TRPM5: variants seen among roughly 807,000 people sequenced by gnomAD.
The protein encoded by TRPM5 is MLSN1 and TRP-related.
Under a neutral mutation model 124.9 loss-of-function variants are expected in TRPM5, and 121 were observed. The ratio of observed to expected loss-of-function variants is 0.97; its 90% confidence interval spans 0.84 to 1.13. The LOEUF (loss-of-function observed/expected upper bound fraction) is 1.13, where lower values mean the gene tolerates loss of function less well. Ranked by LOEUF, TRPM5 falls within the 50% of genes most tolerant of loss-of-function variation. The probability of loss-of-function intolerance (pLI) is 0.00; values close to 1 mark genes in which losing one functional copy is unlikely to be tolerated. For synonymous variants in TRPM5, 781 were observed against 700.5 expected (o/e 1.11, Z -1.81); for missense variants, 1,643 against 1,589.1 (o/e 1.03, Z -0.58).
At chr11:2,422,100 C>G (rs534148263) in intron 2 of TRPM5, 41 bp downstream of exon 7, 2 of 1,537,980 alleles carry the variant, frequency 1.3e-6, no homozygotes, top group African/African-American at 1.4e-5. Flanking sequence ...TCGGGCTGCC[C>G]TGTGGGGTGG....
At chr11:2,409,187 G>A (rs767499093) in intron 18 of TRPM5, among the ~76,000 whole-genome samples, 28 of 152,050 alleles carry the variant, frequency 1.8e-4, no homozygotes, top group Non-Finnish European at 3.5e-4. Flanking sequence ...GTCAGTGAGC[G>A]CCAGCCCTCC....
intron 8 of TRPM5, among the ~76,000 whole-genome samples, chr11:2,415,703 A>T (rs1382896867): frequency 2.0e-5 from 3 of 152,152 alleles, no homozygotes; most frequent in African/African-American, 4.8e-5. Context: ...GGCTTTGGGG[A>T]CAGCCGGCAC....
chr11:2,410,409 G>A (rs1260011428), intron 18 of TRPM5, among the ~76,000 whole-genome samples: 1 of 128,662 alleles, frequency 7.8e-6, no homozygotes. Flanking sequence ...GGCAGCCCCA[G>A]CCGCCTGACA....
chr11:2,425,907 C>T (rs1845836728), upstream of TRPM5, among the ~76,000 whole-genome samples: 1 of 152,182 alleles, frequency 6.6e-6, no homozygotes, highest in African/African-American at 2.4e-5. Flanking sequence ...CTCTTCCCTT[C>T]GTCCCTGGTG....
chr11:2,418,401 G>A lies in TRPM5; in HGVS notation c.715-43C>T, dbSNP rs751791120. The A allele has an allele frequency of 1.9e-5, 29 of 1,529,848 alleles. No individual in the cohort carries two copies. In the East Asian group the frequency reaches 5.2e-4, roughly 27 times the overall value. The allele number at this position is 1,529,848 out of a possible 1,614,324, so 94.8% of individuals were successfully genotyped here. A position where few individuals can be genotyped will look rare whatever the true frequency, so the allele number is the denominator to read the frequency against. On this transcript the variant is annotated intron_variant, in intron 5 of 23. Transcript: ENST00000155858. The stretch of plus-strand genomic sequence containing the variant: ...GGGAGAGCGGACCCCAGATTAGCCC[G>A]ACGACATCTGGATGCAGGTGTCAGG...
At chr11:2,422,052 A>T in intron 2 of TRPM5, 89 bp downstream of exon 7, 2 of 1,391,504 alleles carry the variant, frequency 1.4e-6, no homozygotes, top group Non-Finnish European at 1.9e-6. Flanking sequence ...GTGGGGTGGG[A>T]GCACTGCCTG....
At chr11:2,427,092 C>A (rs1845846607), upstream of TRPM5, among the ~76,000 whole-genome samples, 1 of 152,194 alleles carries the variant, frequency 6.6e-6, no homozygotes, top group South Asian at 2.1e-4. Flanking sequence ...CAGCCCCTTC[C>A]AGAATGCCCC....
chr11:2,406,892 G>A (rs1396502623), intron 20 of TRPM5, 99 bp from the exon 26 acceptor site: 9 of 1,501,792 alleles, frequency 6.0e-6, no homozygotes, highest in Non-Finnish European at 8.0e-6. Context: ...GGCAGAAGGA[G>A]TGAGTGGGGC....
intron 15 of TRPM5, 145 bp downstream of exon 20, chr11:2,412,609 C>T (rs931205599): frequency 1.9e-5 from 17 of 914,504 alleles, no homozygotes; most frequent in Admixed American, 2.9e-5. Context: ...GGATCATGGC[C>T]GCTGGTGACT....
chr11:2,405,205 C>T (rs1220279090), intron 23 of TRPM5, among the ~76,000 whole-genome samples, 162 bp from the exon 29 acceptor site: 2 of 152,242 alleles, frequency 1.3e-5, no homozygotes, highest in African/African-American at 4.8e-5. Context: ...GACAACCAGG[C>T]CTCTGCCTGC....
exon 24 of TRPM5, chr11:2,404,804 C>A: frequency 3.0e-6 from 2 of 675,446 alleles, no homozygotes; most frequent in Admixed American, 2.6e-5. Context: ...TGGTGAGGCA[C>A]CAGGAGGGCC....
At chr11:2,427,674 A>T (rs531735261), upstream of TRPM5, among the ~76,000 whole-genome samples, 181 of 152,364 alleles carry the variant, frequency 1.2e-3, no homozygotes, top group African/African-American at 4.2e-3. Context: ...CGTGGCTTCT[A>T]GGCCACTTAG....
the TRPM5 span, among the ~76,000 whole-genome samples, chr11:2,431,678 T>A: frequency 1.3e-5 from 2 of 152,090 alleles, no homozygotes; most frequent in Non-Finnish European, 1.5e-5. Flanking sequence ...GGAGCACTCT[T>A]CCTTGGAGCT....
intron 21 of TRPM5, 139 bp downstream of exon 26, chr11:2,406,522 C>G: frequency 8.3e-7 from 1 of 1,203,116 alleles, no homozygotes; most frequent in East Asian, 2.4e-5. Flanking sequence ...AAAGCTAGGC[C>G]CCTGGGCTCG....
exon 16 of TRPM5, chr11:2,412,191 G>A (rs147792938): frequency 1.2e-6 from 2 of 1,613,510 alleles, no homozygotes; most frequent in African/African-American, 2.7e-5. Flanking sequence ...ACTTGTTCCA[G>A]TTGTCCCCCA....
In TRPM5 at chr11:2,412,230, T is replaced by C. The variant is rs755441231; in HGVS notation, c.2379A>G (p.Thr793=). The stretch of plus-strand genomic sequence containing the variant: ...ACAGTGTGAACTTCTTCACCAGGTG[T>C]GTGTCCTCGTCTGTGAAGAAGCCCT... The change falls in exon 16 of 24, where the codon ACA becomes ACG. Residue 793 remains threonine (T), a synonymous_variant. Coordinates refer to ENST00000155858, the Ensembl canonical transcript of TRPM5. 7 of 1,613,006 alleles carry C rather than the reference T, an allele frequency of 4.3e-6. No homozygotes were observed. The East Asian group carries it at 1.6e-4, about 36-fold the overall frequency.
chr11:2,420,670 A>T (rs1241368160), intron 3 of TRPM5, among the ~76,000 whole-genome samples: 3 of 152,156 alleles, frequency 2.0e-5, no homozygotes, highest in Non-Finnish European at 4.4e-5. Flanking sequence ...GGCTGCCGGG[A>T]GCACCTCCTT....
At chr11:2,443,386 C>T in the TRPM5 span, among the ~76,000 whole-genome samples, 1 of 152,170 alleles carries the variant, frequency 6.6e-6, no homozygotes, top group African/African-American at 2.4e-5. This position sits in a 1 kb window ranked among gnomAD's most constrained non-coding sequence, Gnocchi z 5.0. Context: ...TGCTGTGTGC[C>T]CTGCAGAGCT....
At chr11:2,441,054 T>C in the TRPM5 span, among the ~76,000 whole-genome samples, 2 of 152,154 alleles carry the variant, frequency 1.3e-5, no homozygotes, top group Non-Finnish European at 2.9e-5. The surrounding 1 kb of genome is among the most constrained non-coding windows in gnomAD (Gnocchi z 7.2). Context: ...GTAGATTGAG[T>C]GCCATGTTTC....
Sources: allele counts gnomAD v4.1 joint callset (sites outside exome capture counted in the v4.1 genomes callset), GRCh38; gene constraint gnomAD v4.1.1; non-coding constraint Gnocchi (gnomAD v3.1); transcripts MANE v1.5; gene names NCBI Gene and HGNC (gene_info 2026-07-23, HGNC 2026-07-21).